Variants in FUCA1 observed in about 807,000 individuals in gnomAD.
FUCA1 encodes the protein tissue alpha-L-fucosidase.
In FUCA1, 52 loss-of-function variants were observed where a neutral mutation model predicts 56.8. That is an observed-to-expected ratio of 0.92 (90% CI 0.73 to 1.15). The LOEUF (loss-of-function observed/expected upper bound fraction) is 1.15, where lower values mean the gene tolerates loss of function less well. FUCA1 is among the 50% of genes most tolerant of loss of function. FUCA1 has a pLI of 0.00. For missense variants in FUCA1, 568 were observed against 592.6 expected, an observed-to-expected ratio of 0.96 and a Z score of 0.43; for synonymous variants, 230 against 226.6, an observed-to-expected ratio of 1.02 and a Z score of -0.14.
chr1:23,849,675 TG>T (rs1211018361), intron 5 of FUCA1, among the ~76,000 whole-genome samples: 1 of 142,968 alleles, frequency 7.0e-6, no homozygotes, highest in Non-Finnish European at 1.5e-5. Context: ...CTCCGCCTCC[TG>T]GGTTCAAGTG....
chr1:23,866,128 G>A (rs997520846), intron 1 of FUCA1, among the ~76,000 whole-genome samples: 1 of 152,154 alleles, frequency 6.6e-6, no homozygotes, highest in African/African-American at 2.4e-5. Context: ...CCTGGCCAAT[G>A]AGGCGAAAAC....
chr1:23,863,850 TCAAAACAAAAA>T (rs1639562663), intron 2 of FUCA1, among the ~76,000 whole-genome samples: 1 of 152,078 alleles, frequency 6.6e-6, no homozygotes, highest in East Asian at 1.9e-4. Context: ...AGACCCTGTC[TCAAAACAAAAA>T]CAAAACAAAA....
In FUCA1 at chr1:23,850,316, CAAA is replaced by C. The variant is rs11425085; in HGVS notation, c.970-1480_970-1478del. ...GGGCAACAAGAGCGAAATTCCATCT[CAAA>C]AAAAAAAAAAAAAGAATTAAAGAAT... On this transcript the variant is annotated intron_variant, in intron 5 of 7. Transcript: ENST00000374479. 1.9e-4 allele frequency among the ~76,000 whole-genome samples: 24 copies of C among 129,498 alleles called. No individual in the cohort carries two copies. In the East Asian group the frequency reaches 2.0e-3, roughly 11 times the overall value. The allele number at this position is 129,498 out of a possible 152,430, so 85.0% of individuals were successfully genotyped here. A position where few individuals can be genotyped will look rare whatever the true frequency, so the allele number is the denominator to read the frequency against.
chr1:23,853,788 G>C (rs374554991), intron 5 of FUCA1, among the ~76,000 whole-genome samples: 3 of 150,936 alleles, frequency 2.0e-5, no homozygotes, highest in Non-Finnish European at 4.4e-5. Context: ...TCTCTGAAAC[G>C]TGTGCTGTGT....
Position 23,868,214 on chromosome 1 carries a change from C to T in FUCA1, c.73G>A (p.Ala25Thr). The change falls in exon 1 of 8, where the codon GCC becomes ACC. Residue 25 changes from alanine (A) to threonine (T), a missense_variant. Ala to Thr is a moderately conservative substitution (Grantham distance 58, BLOSUM62 0). Transcript: ENST00000374479. Reference sequence around the variant, plus strand: ...GGCTGGGCCCGACGCACCGACTCGGCCGCTCCGAGGAAGAGCAGCAGCAGC... The same window carrying T: ...GGCTGGGCCCGACGCACCGACTCGGTCGCTCCGAGGAAGAGCAGCAGCAGC... ...LLLLLLFLGA[A>T]ESVRRAQPPR... The T allele has an allele frequency of 6.3e-7, 1 of 1,589,984 alleles. No homozygotes were observed. Among genetic ancestry groups the T allele is most frequent in the Non-Finnish European group, 8.6e-7 (1 of 1,169,020 alleles).
At chr1:23,860,384 C>A (rs1324830621) in intron 3 of FUCA1, among the ~76,000 whole-genome samples, 1 of 151,804 alleles carries the variant, frequency 6.6e-6, no homozygotes, top group Non-Finnish European at 1.5e-5. Flanking sequence ...GAGATCGAGA[C>A]CATCCTGGGT....
At chr1:23,864,120 T>G (rs1489004474) in intron 2 of FUCA1, among the ~76,000 whole-genome samples, 1 of 146,224 alleles carries the variant, frequency 6.8e-6, no homozygotes, top group East Asian at 2.1e-4. Flanking sequence ...GGAGTCTCGC[T>G]CTGTCGCCCA....
chr1:23,867,784 G>GC lies in FUCA1; in HGVS notation c.389+113dup. On this transcript the variant is annotated intron_variant, in intron 1 of 7. Transcript: ENST00000374479. This position sits in a 1 kb window ranked among gnomAD's most constrained non-coding sequence, Gnocchi z 4.9. ...TGTGGCCGCAGGAGGCCACACGCGG[G>GC]CCCCGGGGTCATGGGGGCGACCGGC... 1 of 1,433,864 alleles carries GC rather than the reference G, an allele frequency of 7.0e-7. No homozygotes were observed. Among genetic ancestry groups the GC allele is most frequent in the Admixed American group, 2.9e-5 (1 of 34,162 alleles). The allele number at this position is 1,433,864 out of a possible 1,614,324, so 88.8% of individuals were successfully genotyped here. A position where few individuals can be genotyped will look rare whatever the true frequency, so the allele number is the denominator to read the frequency against.
intron 1 of FUCA1, 56 bp from the exon 2 acceptor site, chr1:23,865,681 T>A (rs1226718016): frequency 1.2e-6 from 2 of 1,603,744 alleles, no homozygotes; most frequent in African/African-American, 2.7e-5. Context: ...TTGCATGAAC[T>A]TGCCCAGCAT....
Position 23,848,640 on chromosome 1 carries a change from A to G in FUCA1, c.1160+9T>C, listed in dbSNP as rs778966131. The G allele has an allele frequency of 3.5e-5, 56 of 1,613,814 alleles. No homozygotes were observed. The highest frequency in any genetic ancestry group is 4.3e-5 in the Non-Finnish European group (51 of 1,179,830). On this transcript the variant is annotated intron_variant, in intron 6 of 7. Transcript: ENST00000374479. ...TCTGTTCTTACACACAACAGAAGAC[A>G]AGACTCACCATACAGATGTTGTGTT...
At chr1:23,854,135 G>A (rs1005512170) in intron 5 of FUCA1, among the ~76,000 whole-genome samples, 1 of 151,910 alleles carries the variant, frequency 6.6e-6, no homozygotes, top group African/African-American at 2.4e-5. Context: ...TTAAGATATA[G>A]ATTACAACCA....
intron 6 of FUCA1, 141 bp downstream of exon 6, chr1:23,848,508 T>C: frequency 5.1e-6 from 4 of 781,336 alleles, no homozygotes; most frequent in Non-Finnish European, 8.8e-6. Context: ...TCAAATGGGG[T>C]ACAAATTTTA....
chr1:23,849,362 CTATAT>C (rs1451853384), intron 5 of FUCA1, among the ~76,000 whole-genome samples: 5 of 151,996 alleles, frequency 3.3e-5, no homozygotes. Flanking sequence ...AAAAATCAGG[CTATAT>C]TATATTAACT....
At chr1:23,861,192 G>A (rs1323506721) in intron 3 of FUCA1, among the ~76,000 whole-genome samples, 2 of 151,566 alleles carry the variant, frequency 1.3e-5, no homozygotes, top group Non-Finnish European at 2.9e-5. Context: ...GCATGGTGGC[G>A]GGCGCCTGTA....
chr1:23,861,717 T>G (rs1639517051), intron 3 of FUCA1, among the ~76,000 whole-genome samples: 1 of 152,208 alleles, frequency 6.6e-6, no homozygotes, highest in Admixed American at 6.5e-5. Flanking sequence ...AGCATTATTA[T>G]TCTCATTTGA....
chr1:23,854,313 T>C, intron 5 of FUCA1, 47 bp downstream of exon 5: 1 of 1,404,740 alleles, frequency 7.1e-7, no homozygotes, highest in South Asian at 1.2e-5. Context: ...TCATACTGCA[T>C]GTTAAAAAAA....
intron 4 of FUCA1, 54 bp from the exon 5 acceptor site, chr1:23,854,614 A>T (rs926499103): frequency 1.2e-5 from 16 of 1,366,854 alleles, no homozygotes; most frequent in East Asian, 6.9e-5. Context: ...TGACTTCTTT[A>T]TGTAATACAC....
chr1:23,859,867 C>G lies in FUCA1; in HGVS notation c.699G>C (p.Trp233Cys). The G allele has an allele frequency of 6.2e-7, 1 of 1,613,264 alleles. No homozygotes were observed. The highest frequency in any genetic ancestry group is 8.5e-7 in the Non-Finnish European group (1 of 1,179,298). Residue 233 changes from tryptophan to cysteine, a missense_variant, in exon 4 of 8, where the codon TGG becomes TGC. Physicochemically the swap from Trp to Cys is radical, Grantham distance 215. Transcript: ENST00000374479. Reference protein sequence around the residue: ...KPDLIWSDGEWECPDTYWNST... With the variant: ...KPDLIWSDGECECPDTYWNST... ...AGTTCCAGTAAGTATCAGGACATTC[C>G]CACTCCCCATCAGACCAGATCAGAT...
chr1:23,848,744 A>G lies in FUCA1; in HGVS notation c.1065T>C (p.Leu355=). 2 of 1,614,190 alleles carry G rather than the reference A, an allele frequency of 1.2e-6. No homozygotes were observed. Among genetic ancestry groups the G allele is most frequent in the Non-Finnish European group, 1.7e-6 (2 of 1,180,014 alleles). ...GLIVPIFQER[L]LAVGKWLSIN... is the part of the protein sequence containing the mutation. Reference sequence around the variant, plus strand: ...TGCTCAGCCATTTCCCAACAGCAAGAAGCCTTTCTTGGAAGATGGGAACAA... The same window carrying G: ...TGCTCAGCCATTTCCCAACAGCAAGGAGCCTTTCTTGGAAGATGGGAACAA... Residue 355 remains leucine (L), a synonymous_variant, in exon 6 of 8, where the codon CTT becomes CTC. Coordinates refer to ENST00000374479, the MANE Select transcript of FUCA1 (RefSeq NM_000147.5).
Sources: allele counts gnomAD v4.1 joint callset (sites outside exome capture counted in the v4.1 genomes callset), GRCh38; gene constraint gnomAD v4.1.1; non-coding constraint Gnocchi (gnomAD v3.1); transcripts MANE v1.5; gene names NCBI Gene and HGNC (gene_info 2026-07-23, HGNC 2026-07-21).